ERC2: variants seen among roughly 807,000 people sequenced by gnomAD.
The protein encoded by ERC2 is ELKS/RAB6-interacting/CAST family member 2.
In ERC2, 42 loss-of-function variants were observed where a neutral mutation model predicts 114.8. The observed-to-expected ratio is 0.37, with a 90% CI of 0.29 to 0.47. The LOEUF (loss-of-function observed/expected upper bound fraction) is 0.47, where lower values mean the gene tolerates loss of function less well. ERC2 is among the 20% of genes least tolerant of loss of function. ERC2 has a pLI of 0.99. For synonymous variants in ERC2, 454 were observed against 425.5 expected (o/e 1.07, Z -0.82); for missense variants, 939 against 1,150.7 (o/e 0.82, Z 2.66).
chr3:55,784,420 C>T (rs1000382402), intron 14 of ERC2, among the ~76,000 whole-genome samples: 6 of 152,074 alleles, frequency 3.9e-5, no homozygotes, highest in Non-Finnish European at 5.9e-5. Flanking sequence ...TTTTGGTTAC[C>T]AATTTAGGGG....
intron 2 of ERC2, among the ~76,000 whole-genome samples, chr3:56,390,213 A>C (rs1375285372): frequency 6.6e-6 from 1 of 152,154 alleles, no homozygotes; most frequent in Non-Finnish European, 1.5e-5. Flanking sequence ...ACTATATTTT[A>C]CACTGCATAA....
chr3:55,793,250 G>C (rs2070199117), intron 14 of ERC2, among the ~76,000 whole-genome samples: 1 of 152,096 alleles, frequency 6.6e-6, no homozygotes, highest in African/African-American at 2.4e-5. Context: ...AATACAAATT[G>C]AAAGAATGCT....
intron 17 of ERC2, among the ~76,000 whole-genome samples, chr3:55,670,253 C>T (rs2061505605): frequency 6.6e-6 from 1 of 152,144 alleles, no homozygotes; most frequent in South Asian, 2.1e-4. Flanking sequence ...ATCCTATATG[C>T]AGACTGGACA....
intron 17 of ERC2, among the ~76,000 whole-genome samples, chr3:55,675,713 A>G (rs1415234715): frequency 6.6e-6 from 1 of 151,974 alleles, no homozygotes; most frequent in Admixed American, 6.5e-5. Flanking sequence ...CTCAAAATGA[A>G]ACCTGTGAGC....
chr3:56,159,949 G>A (rs1052491762), intron 4 of ERC2, among the ~76,000 whole-genome samples: 1 of 152,174 alleles, frequency 6.6e-6, no homozygotes. Flanking sequence ...TTGCTATGGT[G>A]AATACTGTTG....
At chr3:56,403,642 A>G (rs1279705639) in intron 2 of ERC2, among the ~76,000 whole-genome samples, 1 of 152,242 alleles carries the variant, frequency 6.6e-6, no homozygotes, top group African/African-American at 2.4e-5. Flanking sequence ...TATTTTAACG[A>G]GATCCCCAGG....
At chr3:55,574,823 T>C (rs569458798) in intron 17 of ERC2, among the ~76,000 whole-genome samples, 9 of 152,248 alleles carry the variant, frequency 5.9e-5, no homozygotes, top group African/African-American at 1.9e-4. Context: ...AGATTAACTA[T>C]CACAAGTGCC....
At chr3:55,535,622 G>C (rs1022037436) in intron 17 of ERC2, among the ~76,000 whole-genome samples, 2 of 152,204 alleles carry the variant, frequency 1.3e-5, no homozygotes, top group Non-Finnish European at 2.9e-5. Context: ...GGGGCTGTCT[G>C]TACCCTCTTC....
intron 1 of ERC2, among the ~76,000 whole-genome samples, chr3:56,467,655 A>G (rs962331328): frequency 6.6e-6 from 1 of 151,634 alleles, no homozygotes; most frequent in Non-Finnish European, 1.5e-5. Context: ...TCAATTTCAC[A>G]TCGTATTCCT....
At chr3:55,813,283 A>G (rs991876853) in intron 14 of ERC2, among the ~76,000 whole-genome samples, 2 of 152,138 alleles carry the variant, frequency 1.3e-5, no homozygotes, top group Admixed American at 1.3e-4. Context: ...TTTAAATTTG[A>G]ATTAATTAAA....
intron 17 of ERC2, among the ~76,000 whole-genome samples, chr3:55,649,037 A>AG (rs1394637858): frequency 1.3e-5 from 2 of 152,116 alleles, no homozygotes; most frequent in African/African-American, 2.4e-5. Context: ...CCTGGGGCTT[A>AG]TCCCACAGAC....
At chr3:55,845,384 G>C (rs1438708287) in intron 14 of ERC2, among the ~76,000 whole-genome samples, 3 of 150,524 alleles carry the variant, frequency 2.0e-5, no homozygotes, top group South Asian at 4.2e-4. Flanking sequence ...GGCGCCTGTA[G>C]TCCCAGCTGC....
intron 6 of ERC2, among the ~76,000 whole-genome samples, chr3:56,088,370 C>G: frequency 6.6e-6 from 1 of 152,086 alleles, no homozygotes; most frequent in East Asian, 1.9e-4. Context: ...TAGAGATTGT[C>G]ATGAATCTAA....
At position 56,150,466 on chromosome 3, in the gene ERC2, T is replaced by C. The variant is rs569407193; in HGVS notation, c.1150-1334A>G. Among the ~76,000 whole-genome samples the C allele has an allele frequency of 1.6e-4, 25 of 152,324 alleles. No individual in the cohort carries two copies. In the South Asian group the frequency reaches 4.2e-3, roughly 25 times the overall value. On this transcript the variant is annotated intron_variant, in intron 4 of 17. Transcript: ENST00000288221. ...CTATTATGTACCAAGAACTGAGTGC[T>C]CTAAGTTCTGTAGATACTTTTATTA...
intron 7 of ERC2, among the ~76,000 whole-genome samples, chr3:56,070,030 T>C (rs536689572): frequency 1.3e-5 from 2 of 152,312 alleles, no homozygotes; most frequent in African/African-American, 4.8e-5. Context: ...TTACCCTTAC[T>C]TTACATTTAT....
chr3:56,376,091 A>G (rs561657034), intron 2 of ERC2, among the ~76,000 whole-genome samples: 1 of 152,328 alleles, frequency 6.6e-6, no homozygotes, highest in African/African-American at 2.4e-5. Context: ...CAGGTGGCAC[A>G]TTGATTGCAA....
intron 17 of ERC2, among the ~76,000 whole-genome samples, chr3:55,512,791 T>A (rs1358535212): frequency 1.3e-5 from 2 of 152,178 alleles, no homozygotes; most frequent in East Asian, 3.9e-4. Flanking sequence ...GGGTAAGGTT[T>A]ATGCTGGAGA....
At chr3:56,043,442 T>A (rs888800089) in intron 7 of ERC2, among the ~76,000 whole-genome samples, 1 of 152,178 alleles carries the variant, frequency 6.6e-6, no homozygotes, top group Non-Finnish European at 1.5e-5. Context: ...ATACCTTTCA[T>A]TTGTAATGGA....
At chr3:55,612,995 A>T (rs978484062) in intron 17 of ERC2, 2 of 152,260 alleles carry the variant, frequency 1.3e-5, no homozygotes, top group African/African-American at 4.8e-5. Context: ...ATGTAACTGG[A>T]TGTCCTGTAT....
Sources: allele counts gnomAD v4.1 joint callset (sites outside exome capture counted in the v4.1 genomes callset), GRCh38; gene constraint gnomAD v4.1.1; transcripts MANE v1.5; gene names NCBI Gene and HGNC (gene_info 2026-07-23, HGNC 2026-07-21).